The following BCAS3 variants were observed in gnomAD, a reference collection of about 807,000 sequenced individuals.
BCAS3 encodes the protein BCAS3 microtubule associated cell migration factor.
BCAS3 carries 53 observed loss-of-function variants against 116.1 expected under a neutral mutation model. The observed-to-expected ratio is 0.46, with a 90% confidence interval of 0.37 to 0.57. BCAS3 has a LOEUF of 0.57. BCAS3 is among the 20% of genes least tolerant of loss of function. The pLI, the probability that BCAS3 is intolerant of heterozygous loss-of-function variation, is 0.00. For missense variants in BCAS3, 917 were observed against 1,165.4 expected (o/e 0.79, Z 3.10); for synonymous variants, 391 against 408.2 (o/e 0.96, Z 0.51).
rs1188141725 is a variant in BCAS3 at position 61,007,900 on chromosome 17, C to T, written c.1487-7851C>T. ...CAAAAATTGCAGTGTTTTTACTTCA[C>T]CATCGATTGCCTCCAAAAAAAAGTT... On this transcript the variant is annotated intron_variant, in intron 15 of 23. Coordinates refer to ENST00000407086, the MANE Select transcript of BCAS3 (RefSeq NM_017679.5). This position sits in a 1 kb window ranked among gnomAD's most constrained non-coding sequence, Gnocchi z 4.3. 2.0e-5 allele frequency among the ~76,000 whole-genome samples: 3 copies of T among 152,036 alleles called. No individual in the cohort carries two copies. Among genetic ancestry groups the T allele is most frequent in the African/African-American group, 7.2e-5 (3 of 41,396 alleles).
rs1282073557 is a variant in BCAS3 at position 60,995,679 on chromosome 17, T to A, written c.1486+5444T>A. ...AAACAATTTAGATTTAAATAATTACTTGTTAGAATGAAGAGCTTTTTATTC... is the reference window on the plus strand; with the variant it reads ...AAACAATTTAGATTTAAATAATTACATGTTAGAATGAAGAGCTTTTTATTC... On this transcript the variant is annotated intron_variant, in intron 15 of 23. Coordinates refer to ENST00000407086, the MANE Select transcript of BCAS3 (RefSeq NM_017679.5). The surrounding 1 kb of genome is among the most constrained non-coding windows in gnomAD (Gnocchi z 4.7). Among the ~76,000 whole-genome samples, 1 of 152,170 alleles carries A rather than the reference T, an allele frequency of 6.6e-6. No homozygotes were observed. Among genetic ancestry groups the A allele is most frequent in the African/African-American group, 2.4e-5 (1 of 41,428 alleles).
rs1191225918 is a variant in BCAS3 at position 61,200,855 on chromosome 17, C to T, written c.2425+116291C>T. On this transcript the variant is annotated intron_variant, in intron 22 of 23. Coordinates refer to ENST00000407086, the MANE Select transcript of BCAS3 (RefSeq NM_017679.5). This position sits in a 1 kb window ranked among gnomAD's most constrained non-coding sequence, Gnocchi z 5.1. ...TTTGATGGGCTACCTTTCCTCTTTC[C>T]TGCCTCATCCAAACAGTCTCCATTA... Among the ~76,000 whole-genome samples the T allele has an allele frequency of 1.3e-5, 2 of 152,008 alleles. No homozygotes were observed. The highest frequency in any genetic ancestry group is 2.9e-5 in the Non-Finnish European group (2 of 68,002).
At chr17:60,814,306 T>TGTGCGCGTGCGC (rs368289350) in intron 7 of BCAS3, among the ~76,000 whole-genome samples, 2,400 of 148,292 alleles carry the variant, frequency 0.016, 58 homozygotes, top group African/African-American at 0.054. Context: ...TGTGTGTGTG[T>TGTGCGCGTGCGC]GCGCGCGTGC....
At chr17:60,791,286 A>G (rs542107067) in intron 6 of BCAS3, among the ~76,000 whole-genome samples, 6 of 152,322 alleles carry the variant, frequency 3.9e-5, no homozygotes, top group African/African-American at 1.4e-4. Context: ...GTATATTACC[A>G]TTAACCTTTC....
chr17:61,175,335 G>A (rs1191933314), intron 22 of BCAS3, among the ~76,000 whole-genome samples: 1 of 151,782 alleles, frequency 6.6e-6, no homozygotes, highest in Non-Finnish European at 1.5e-5. Context: ...TGAGTTTGAG[G>A]ATGCAGTGAG....
chr17:60,921,421 G>T lies in BCAS3; in HGVS notation c.994-2986G>T, dbSNP rs554040614. On this transcript the variant is annotated intron_variant, in intron 12 of 23. Transcript: ENST00000407086. ...AAGGTCAGGAGATCGAGACCATCCC[G>T]GCTAAAACGGTGAAACCCCGTCTCT... Among the ~76,000 whole-genome samples the T allele has an allele frequency of 7.2e-5, 11 of 152,066 alleles. No individual in the cohort carries two copies. The East Asian group carries it at 1.9e-3, about 27-fold the overall frequency.
chr17:61,195,104 A>T (rs1032534141), intron 22 of BCAS3, among the ~76,000 whole-genome samples: 9 of 152,222 alleles, frequency 5.9e-5, no homozygotes, highest in African/African-American at 2.2e-4. Context: ...CTTATTACAA[A>T]TGTTCAGGTA....
At chr17:60,763,580 C>G (rs1396211231) in intron 6 of BCAS3, among the ~76,000 whole-genome samples, 1 of 152,140 alleles carries the variant, frequency 6.6e-6, no homozygotes, top group Non-Finnish European at 1.5e-5. Context: ...TTTTGATGTG[C>G]TGCTGGATTC....
At chr17:60,947,757 A>G (rs1340021175) in intron 14 of BCAS3, among the ~76,000 whole-genome samples, 3 of 152,216 alleles carry the variant, frequency 2.0e-5, no homozygotes, top group African/African-American at 7.2e-5. Context: ...ACATATTCAT[A>G]TATACAAAAA....
chr17:61,344,653 C>T lies in BCAS3; in HGVS notation c.2426-23674C>T, dbSNP rs1249563539. On this transcript the variant is annotated intron_variant, in intron 22 of 23. Transcript: ENST00000407086. The surrounding 1 kb of genome is among the most constrained non-coding windows in gnomAD (Gnocchi z 4.1). ...TAGGAGAGGATCAGAAAAGGCTTCC[C>T]AGAAGTTCGATTTAAGCTGCAGTTG... Among the ~76,000 whole-genome samples, 1 of 152,086 alleles carries T rather than the reference C, an allele frequency of 6.6e-6. No homozygotes were observed. Among genetic ancestry groups the T allele is most frequent in the African/African-American group, 2.4e-5 (1 of 41,408 alleles).
intron 22 of BCAS3, among the ~76,000 whole-genome samples, chr17:61,091,247 A>T (rs981320294): frequency 2.6e-5 from 4 of 152,168 alleles, no homozygotes; most frequent in African/African-American, 9.7e-5. Flanking sequence ...TTGATGCAAT[A>T]CTTCTCACTG....
rs1422298901 is a variant in BCAS3, at chr17:61,339,085, T to C, written c.2426-29242T>C. ...TGCCTCTCCCATTTTCTCATGTTCT[T>C]TTGGACTCTATTACTCAATCAGTGA... On this transcript the variant is annotated intron_variant, in intron 22 of 23. Transcript: ENST00000407086. This position sits in a 1 kb window ranked among gnomAD's most constrained non-coding sequence, Gnocchi z 4.4. 6.6e-6 allele frequency among the ~76,000 whole-genome samples: 1 copy of C among 152,024 alleles called. No homozygotes were observed. Among genetic ancestry groups the C allele is most frequent in the African/African-American group, 2.4e-5 (1 of 41,398 alleles).
At chr17:60,781,083 C>T (rs2045786646) in intron 6 of BCAS3, among the ~76,000 whole-genome samples, 1 of 151,778 alleles carries the variant, frequency 6.6e-6, no homozygotes, top group South Asian at 2.1e-4. Flanking sequence ...ATTCTTGTGC[C>T]CCAGCCTCTG....
rs904573040 is a variant in BCAS3, at chr17:61,387,320, A to T, written c.2594-4657A>T. Among the ~76,000 whole-genome samples the T allele has an allele frequency of 1.8e-4, 28 of 152,276 alleles. No homozygotes were observed. The highest frequency in any genetic ancestry group is 6.7e-4 in the African/African-American group (28 of 41,556). On this transcript the variant is annotated intron_variant, in intron 23 of 23. Transcript: ENST00000407086. The surrounding 1 kb of genome is among the most constrained non-coding windows in gnomAD (Gnocchi z 6.2). ...CATGCCCTTGCCTCCTCACAGACAAAGAGTGACCCCACCCCACCCCATCTC... is the reference window on the plus strand; with the variant it reads ...CATGCCCTTGCCTCCTCACAGACAATGAGTGACCCCACCCCACCCCATCTC...
chr17:60,722,696 G>A (rs558496946), intron 5 of BCAS3, among the ~76,000 whole-genome samples: 1 of 151,844 alleles, frequency 6.6e-6, no homozygotes, highest in East Asian at 1.9e-4. Context: ...GGGAGGTGGA[G>A]GTTGCAGTGA....
At chr17:61,116,063 G>A (rs1422830186) in intron 22 of BCAS3, among the ~76,000 whole-genome samples, 1 of 146,746 alleles carries the variant, frequency 6.8e-6, no homozygotes, top group East Asian at 2.0e-4. Context: ...GACACAGGAA[G>A]GGGAATATCA....
rs1384455583 is a variant in BCAS3, at chr17:61,087,447, A to G, written c.2425+2883A>G. ...CTTTATTCACAGATAATAGAATTTAATGTGATATAATTAAATCCTTTGACA... is the reference window on the plus strand; with the variant it reads ...CTTTATTCACAGATAATAGAATTTAGTGTGATATAATTAAATCCTTTGACA... On this transcript the variant is annotated intron_variant, in intron 22 of 23. Transcript: ENST00000407086. This position sits in a 1 kb window ranked among gnomAD's most constrained non-coding sequence, Gnocchi z 4.6. The G allele has an allele frequency of 6.5e-6, 1 of 152,994 alleles. No homozygotes were observed. The highest frequency in any genetic ancestry group is 1.5e-5 in the Non-Finnish European group (1 of 68,738). The allele number at this position is 152,994 out of a possible 1,614,324, so 9.5% of individuals were successfully genotyped here. A position where few individuals can be genotyped will look rare whatever the true frequency, so the allele number is the denominator to read the frequency against.
rs1334650411 is a variant in BCAS3 at position 61,208,926 on chromosome 17, T to A, written c.2425+124362T>A. The stretch of plus-strand genomic sequence containing the variant: ...TGTATCTCTTGTGTAGCTCAGATCC[T>A]TTGGGTATTTAATGTACAGTTTCAG... On this transcript the variant is annotated intron_variant, in intron 22 of 23. Transcript: ENST00000407086. The surrounding 1 kb of genome is among the most constrained non-coding windows in gnomAD (Gnocchi z 4.5). Among the ~76,000 whole-genome samples, 3 of 151,890 alleles carry A rather than the reference T, an allele frequency of 2.0e-5. No individual in the cohort carries two copies. The highest frequency in any genetic ancestry group is 2.9e-5 in the Non-Finnish European group (2 of 67,976).
chr17:61,374,122 T>A (rs1193034310), intron 23 of BCAS3, among the ~76,000 whole-genome samples: 2 of 151,282 alleles, frequency 1.3e-5, no homozygotes, highest in African/African-American at 4.9e-5. Flanking sequence ...GGCCCCCATT[T>A]AAAGTATTCT....
Sources: gnomAD v4.1 joint callset for allele counts (sites outside exome capture counted in the v4.1 genomes callset) on GRCh38, gnomAD v4.1.1 for gene constraint, Gnocchi (gnomAD v3.1) non-coding constraint, MANE v1.5 for transcripts, NCBI Gene and HGNC (gene_info 2026-07-23, HGNC 2026-07-21) for gene names.